Variants in CSMD1 observed in about 807,000 individuals in gnomAD.
The protein encoded by CSMD1 is CUB and Sushi multiple domains 1.
Under a neutral mutation model 417.5 loss-of-function variants are expected in CSMD1, and 213 were observed. The ratio of observed to expected loss-of-function variants is 0.51; its 90% CI spans 0.46 to 0.57. The LOEUF is 0.57. Among genes scored for constraint, CSMD1 ranks in the 20% least tolerant of loss-of-function variants. The probability of loss-of-function intolerance (pLI) is 0.00; values close to 1 mark genes in which losing one functional copy is unlikely to be tolerated. For synonymous variants in CSMD1, 2,862 were observed against 1,736.8 expected (o/e 1.65, Z -16.11); for missense variants, 6,923 against 4,529.7 (o/e 1.53, Z -15.17).
intron 2 of CSMD1, among the ~76,000 whole-genome samples, chr8:4,606,277 C>A (rs1250546467): frequency 6.6e-6 from 1 of 151,596 alleles, no homozygotes; most frequent in Admixed American, 6.6e-5. Flanking sequence ...TAACCTAAGA[C>A]AAGGGACTGT....
intron 6 of CSMD1, among the ~76,000 whole-genome samples, chr8:3,721,455 G>A (rs2623551): frequency 6.6e-6 from 1 of 152,090 alleles, no homozygotes; most frequent in Non-Finnish European, 1.5e-5. Context: ...GCACATATGG[G>A]ACTGAGTCCA....
At chr8:3,958,681 A>G (rs539193589) in intron 5 of CSMD1, among the ~76,000 whole-genome samples, 50 of 152,162 alleles carry the variant, frequency 3.3e-4, no homozygotes, top group Non-Finnish European at 6.5e-4. Flanking sequence ...TCAAAGAGGG[A>G]AATGGATCAG....
chr8:3,560,882 A>T (rs1799440575), intron 10 of CSMD1, among the ~76,000 whole-genome samples: 1 of 152,156 alleles, frequency 6.6e-6, no homozygotes. Flanking sequence ...CCATTTACTG[A>T]TTGATTCTTC....
intron 5 of CSMD1, among the ~76,000 whole-genome samples, chr8:3,992,647 G>A (rs75181062): frequency 6.6e-6 from 1 of 152,066 alleles, no homozygotes; most frequent in African/African-American, 2.4e-5. Flanking sequence ...ATTAGCCAGG[G>A]TTCTGCACCT....
chr8:4,244,444 T>C (rs553398284), intron 3 of CSMD1, among the ~76,000 whole-genome samples: 88 of 152,294 alleles, frequency 5.8e-4, no homozygotes, highest in African/African-American at 1.7e-3. Flanking sequence ...TTTTGTCAAA[T>C]AATTTTTTAA....
chr8:4,825,065 C>G (rs1293248218), intron 1 of CSMD1, among the ~76,000 whole-genome samples: 1 of 152,088 alleles, frequency 6.6e-6, no homozygotes, highest in Non-Finnish European at 1.5e-5. Context: ...GCAGTTTATT[C>G]TCTCCCATTT....
At chr8:3,452,730 T>C (rs540488091) in intron 12 of CSMD1, among the ~76,000 whole-genome samples, 26 of 152,340 alleles carry the variant, frequency 1.7e-4, no homozygotes, top group Non-Finnish European at 3.2e-4. Flanking sequence ...AGTATTTTAT[T>C]GAGGATTTTT....
At chr8:4,216,266 G>C (rs151048027) in intron 3 of CSMD1, among the ~76,000 whole-genome samples, 20 of 151,672 alleles carry the variant, frequency 1.3e-4, no homozygotes, top group South Asian at 4.2e-4. Flanking sequence ...TTCACTCTAC[G>C]AGACCTGACC....
intron 5 of CSMD1, among the ~76,000 whole-genome samples, chr8:3,763,979 C>T (rs1446188774): frequency 6.6e-6 from 1 of 152,158 alleles, no homozygotes; most frequent in African/African-American, 2.4e-5. Context: ...AATTCCCACT[C>T]CCCACATCTG....
chr8:4,840,406 A>C (rs960889395), intron 1 of CSMD1, among the ~76,000 whole-genome samples: 1 of 152,234 alleles, frequency 6.6e-6, no homozygotes, highest in African/African-American at 2.4e-5. Context: ...CATATGTCGA[A>C]AACATTTTAA....
chr8:2,968,616 C>T (rs1292537705), intron 57 of CSMD1, among the ~76,000 whole-genome samples: 2 of 152,116 alleles, frequency 1.3e-5, no homozygotes, highest in Non-Finnish European at 2.9e-5. Context: ...ACCACTTTCA[C>T]TCACGGTTAT....
At chr8:4,372,589 A>T (rs896917712) in intron 3 of CSMD1, among the ~76,000 whole-genome samples, 25 of 151,768 alleles carry the variant, frequency 1.6e-4, no homozygotes, top group African/African-American at 4.6e-4. Flanking sequence ...GGTACACTTA[A>T]AACAAGGTGA....
chr8:4,474,191 A>T (rs999404936), intron 2 of CSMD1, among the ~76,000 whole-genome samples: 36 of 152,304 alleles, frequency 2.4e-4, no homozygotes, highest in Non-Finnish European at 4.4e-4. Flanking sequence ...GTAAGTGAAA[A>T]TTTAAATGTA....
intron 2 of CSMD1, among the ~76,000 whole-genome samples, chr8:4,622,901 A>C (rs142128432): frequency 5.9e-5 from 9 of 152,276 alleles, no homozygotes; most frequent in African/African-American, 1.9e-4. Flanking sequence ...AAATTAATTG[A>C]ATTTAGGAAG....
chr8:3,796,077 A>G (rs1585012442), intron 5 of CSMD1, among the ~76,000 whole-genome samples: 1 of 39,034 alleles, frequency 2.6e-5, no homozygotes, highest in African/African-American at 7.6e-5. Context: ...TATCATAGAT[A>G]TAGATATATA....
intron 1 of CSMD1, among the ~76,000 whole-genome samples, chr8:4,654,792 CT>C (rs1804126280): frequency 2.0e-5 from 3 of 151,948 alleles, no homozygotes; most frequent in Admixed American, 6.6e-5. Flanking sequence ...AGGCAGACAA[CT>C]TTGGAAAGTC....
intron 5 of CSMD1, among the ~76,000 whole-genome samples, chr8:3,948,269 G>A (rs112923644): frequency 6.6e-6 from 1 of 152,032 alleles, no homozygotes; most frequent in Non-Finnish European, 1.5e-5. Context: ...ATATATATTT[G>A]TTAAAAAATA....
chr8:4,132,824 G>C (rs7820480), intron 3 of CSMD1, among the ~76,000 whole-genome samples: 2 of 152,184 alleles, frequency 1.3e-5, no homozygotes, highest in South Asian at 2.1e-4. Context: ...TATAAATGCA[G>C]ATGATAGACA....
intron 3 of CSMD1, among the ~76,000 whole-genome samples, chr8:4,357,704 G>C (rs772683577): frequency 9.2e-5 from 14 of 152,026 alleles, no homozygotes; most frequent in African/African-American, 3.4e-4. Flanking sequence ...CAAATAATCA[G>C]AATTAATTTG....
Sources: allele counts gnomAD v4.1 joint callset (sites outside exome capture counted in the v4.1 genomes callset), GRCh38; gene constraint gnomAD v4.1.1; transcripts MANE v1.5; gene names NCBI Gene and HGNC (gene_info 2026-07-23, HGNC 2026-07-21).